INPP5A: variants seen among roughly 807,000 people sequenced by gnomAD.
INPP5A encodes the protein inositol polyphosphate-5-phosphatase A, also known as 43 kDa inositol polyphosphate 5-phophatase.
A neutral mutation model predicts 65.2 loss-of-function variants in INPP5A; 14 were observed. The ratio of observed to expected loss-of-function variants is 0.21; its 90% CI spans 0.14 to 0.34. INPP5A has a LOEUF of 0.34. Ranked by LOEUF, INPP5A falls within the 10% of genes least tolerant of loss-of-function variation. INPP5A has a pLI of 1.00. For missense variants in INPP5A, 431 were observed against 545.6 expected, an observed-to-expected ratio of 0.79 and a Z score of 2.09; for synonymous variants, 207 against 208.3, an observed-to-expected ratio of 0.99 and a Z score of 0.05.
At chr10:132,757,333 C>T (rs1281117154) in intron 11 of INPP5A, among the ~76,000 whole-genome samples, 4 of 152,252 alleles carry the variant, frequency 2.6e-5, no homozygotes, top group African/African-American at 4.8e-5. Context: ...CCTTCGCGAG[C>T]GGGGCTCCGC....
chr10:132,629,606 AGT>A (rs2072237986), intron 2 of INPP5A, among the ~76,000 whole-genome samples: 1 of 152,176 alleles, frequency 6.6e-6, no homozygotes, highest in Admixed American at 6.5e-5. Flanking sequence ...CTGTGGAATG[AGT>A]GTTCACTTGC....
At chr10:132,635,077 G>A (rs992668556) in intron 2 of INPP5A, among the ~76,000 whole-genome samples, 1 of 152,244 alleles carries the variant, frequency 6.6e-6, no homozygotes, top group Non-Finnish European at 1.5e-5. Context: ...CTGGCCACCT[G>A]TGGCTTTTGA....
chr10:132,738,132 A>G (rs1564992114), intron 9 of INPP5A, among the ~76,000 whole-genome samples: 1 of 152,188 alleles, frequency 6.6e-6, no homozygotes, highest in East Asian at 1.9e-4. Context: ...CTAATCTTTA[A>G]TGCACTTTTC....
intron 4 of INPP5A, among the ~76,000 whole-genome samples, chr10:132,681,245 G>C (rs879356035): frequency 5.9e-5 from 9 of 152,322 alleles, no homozygotes; most frequent in Non-Finnish European, 1.0e-4. Flanking sequence ...CCAGATAAGA[G>C]ACTAAAAGCA....
chr10:132,761,747 T>C (rs1846737213), intron 11 of INPP5A, among the ~76,000 whole-genome samples: 1 of 151,862 alleles, frequency 6.6e-6, no homozygotes, highest in South Asian at 2.1e-4. Flanking sequence ...TTCCCAAAAA[T>C]CAAGACCCAC....
At position 132,697,972 on chromosome 10, in the gene INPP5A, C is replaced by A; in HGVS notation, c.474+53C>A. 1.7e-6 allele frequency: 2 copies of A among 1,193,784 alleles called. No individual in the cohort carries two copies. The highest frequency in any genetic ancestry group is 2.5e-5 in the South Asian group (2 of 79,504). The allele number at this position is 1,193,784 out of a possible 1,614,324, so 73.9% of individuals were successfully genotyped here. The stretch of plus-strand genomic sequence containing the variant: ...TGTTTACTTCTCAGAGTGAGCCAGT[C>A]AGAAGTGACATGGAACACGGAATTT... On this transcript the variant is annotated intron_variant, in intron 6 of 15. Coordinates refer to ENST00000368594, the MANE Select transcript of INPP5A (RefSeq NM_005539.5). This position sits in a 1 kb window ranked among gnomAD's most constrained non-coding sequence, Gnocchi z 5.6.
chr10:132,708,431 G>C, intron 7 of INPP5A, 66 bp downstream of exon 7: 4 of 1,495,224 alleles, frequency 2.7e-6, no homozygotes, highest in Non-Finnish European at 3.7e-6. Context: ...TTGCACCAGC[G>C]GCATGTTCCA....
intron 2 of INPP5A, among the ~76,000 whole-genome samples, chr10:132,634,865 TGTG>T (rs1316150357): frequency 6.6e-6 from 1 of 152,220 alleles, no homozygotes; most frequent in Non-Finnish European, 1.5e-5. Flanking sequence ...TCATGGCTGG[TGTG>T]GTGTGTGCTT....
Position 132,538,164 on chromosome 10 carries a change from T to G in INPP5A, c.68T>G (p.Phe23Cys). The G allele has an allele frequency of 7.8e-7, 1 of 1,280,398 alleles. No individual in the cohort carries two copies. Among genetic ancestry groups the G allele is most frequent in the Non-Finnish European group, 9.9e-7 (1 of 1,009,752 alleles). 79.3% of individuals were successfully genotyped at this position (1,280,398 alleles called of 1,614,324 possible). Residue 23 changes from phenylalanine (F) to cysteine (C), a missense_variant, in exon 1 of 16, where the codon TTC (phenylalanine) becomes TGC (cysteine). Transcript: ENST00000368594. This position sits in a 1 kb window ranked among gnomAD's most constrained non-coding sequence, Gnocchi z 4.1. ...LLVTANVGSL[F>C]DDPENLQKNW... ...GTCACGGCCAACGTGGGCTCGCTCTTCGACGACGTAAGTCCCCCGTGCCGG... is the reference window on the plus strand; with the variant it reads ...GTCACGGCCAACGTGGGCTCGCTCTGCGACGACGTAAGTCCCCCGTGCCGG...
chr10:132,623,818 C>A (rs1355075916), intron 2 of INPP5A, among the ~76,000 whole-genome samples: 2 of 151,962 alleles, frequency 1.3e-5, no homozygotes, highest in Non-Finnish European at 2.9e-5. Flanking sequence ...AGCAAAGAAC[C>A]CAATTTTAAA....
intron 5 of INPP5A, 60 bp downstream of exon 5, chr10:132,690,515 G>GGGAAGCCAGACAC: frequency 7.7e-7 from 1 of 1,292,408 alleles, no homozygotes; most frequent in Non-Finnish European, 1.1e-6. Flanking sequence ...CTGGTGTCTG[G>GGGAAGCCAGACAC]CTTCCCCAGA....
intron 9 of INPP5A, among the ~76,000 whole-genome samples, chr10:132,747,133 G>A (rs1175774079): frequency 6.6e-5 from 10 of 152,246 alleles, no homozygotes; most frequent in Non-Finnish European, 1.2e-4. Context: ...TACAATGGCC[G>A]TCTGCCTGCC....
chr10:132,691,930 C>T (rs570875704), intron 5 of INPP5A, among the ~76,000 whole-genome samples: 36 of 151,302 alleles, frequency 2.4e-4, no homozygotes, highest in Middle Eastern at 6.8e-3. Flanking sequence ...GCGGGGTGTG[C>T]GGTCGCGGGA....
intron 2 of INPP5A, among the ~76,000 whole-genome samples, chr10:132,624,275 G>T (rs1011423117): frequency 2.2e-4 from 33 of 152,256 alleles, no homozygotes; most frequent in South Asian, 6.2e-4. Context: ...TCACATGGAA[G>T]CGGGGGAGCT....
intron 11 of INPP5A, among the ~76,000 whole-genome samples, chr10:132,757,120 G>A (rs890599415): frequency 2.0e-5 from 3 of 152,162 alleles, no homozygotes; most frequent in African/African-American, 7.2e-5. Flanking sequence ...ATAAGTTAAG[G>A]TTAACTTATT....
chr10:132,593,566 C>T (rs2071645795), intron 1 of INPP5A, among the ~76,000 whole-genome samples: 2 of 152,108 alleles, frequency 1.3e-5, no homozygotes, highest in South Asian at 4.1e-4. Flanking sequence ...CTTTCACTTT[C>T]GAAGGATGAT....
In INPP5A at chr10:132,678,931, G is replaced by T. The variant is rs538265619; in HGVS notation, c.307-11461G>T. 6.6e-6 allele frequency among the ~76,000 whole-genome samples: 1 copy of T among 152,204 alleles called. No homozygotes were observed. Among genetic ancestry groups the T allele is most frequent in the Non-Finnish European group, 1.5e-5 (1 of 68,044 alleles). On this transcript the variant is annotated intron_variant, in intron 4 of 15. Coordinates refer to ENST00000368594, the MANE Select transcript of INPP5A (RefSeq NM_005539.5). This position sits in a 1 kb window ranked among gnomAD's most constrained non-coding sequence, Gnocchi z 4.1. Reference sequence around the variant, plus strand: ...AGAGGTACCCTCCTGACAGAAGGGCGCAGCCTCCTCAGGCCCAGATGGCCA... The same window carrying T: ...AGAGGTACCCTCCTGACAGAAGGGCTCAGCCTCCTCAGGCCCAGATGGCCA...
At chr10:132,730,845 C>T (rs1402159905) in intron 9 of INPP5A, among the ~76,000 whole-genome samples, 2 of 152,202 alleles carry the variant, frequency 1.3e-5, no homozygotes, top group African/African-American at 2.4e-5. Flanking sequence ...TAACAAGCAC[C>T]GAGGGCAGCC....
chr10:132,723,128 C>T lies in INPP5A; in HGVS notation c.648-3693C>T, dbSNP rs150802869. Among the ~76,000 whole-genome samples, 354 of 152,338 alleles carry T rather than the reference C, an allele frequency of 2.3e-3. 3 individuals are homozygous for T. Among genetic ancestry groups the T allele is most frequent in the Middle Eastern group, 0.02 (6 of 294 alleles). On this transcript the variant is annotated intron_variant, in intron 8 of 15. Transcript: ENST00000368594. ...ATCCAGTTTAGGGTTTCATGATGAT[C>T]CTGCAGGATTCCAGACAGGACGATG...
Sources: allele counts gnomAD v4.1 joint callset (sites outside exome capture counted in the v4.1 genomes callset), GRCh38; gene constraint gnomAD v4.1.1; non-coding constraint Gnocchi (gnomAD v3.1); transcripts MANE v1.5; gene names NCBI Gene and HGNC (gene_info 2026-07-23, HGNC 2026-07-21).